Variants in ELP3 observed in about 807,000 individuals in gnomAD.
The protein encoded by ELP3 is elongator complex protein 3.
ELP3 carries 56 observed loss-of-function variants against 74.9 expected under a neutral mutation model. The ratio of observed to expected loss-of-function variants is 0.75; its 90% CI spans 0.60 to 0.93. The LOEUF is 0.93. ELP3 is among the 40% of genes least tolerant of loss of function. ELP3 has a pLI of 0.00. For missense variants in ELP3, 573 were observed against 686.5 expected (o/e 0.83, Z 1.85); for synonymous variants, 222 against 239.8 (o/e 0.93, Z 0.68).
At chr8:28,177,813 G>T (rs1814823241) in intron 14 of ELP3, among the ~76,000 whole-genome samples, 1 of 152,140 alleles carries the variant, frequency 6.6e-6, no homozygotes, top group Admixed American at 6.5e-5. Context: ...TTTTCTTAAG[G>T]AATTCCAAGA....
intron 2 of ELP3, among the ~76,000 whole-genome samples, chr8:28,098,466 T>C (rs1811345138): frequency 6.6e-6 from 1 of 152,258 alleles, no homozygotes; most frequent in Non-Finnish European, 1.5e-5. Flanking sequence ...ACCGTGTCTT[T>C]AGAAGTTTTT....
chr8:28,156,101 T>A (rs930685362), intron 11 of ELP3, 69 bp downstream of exon 11: 3 of 1,285,678 alleles, frequency 2.3e-6, no homozygotes, highest in Non-Finnish European at 3.3e-6. Flanking sequence ...CGAAAGACTT[T>A]GCCACTACCA....
chr8:28,158,527 T>G, intron 11 of ELP3, 41 bp from the exon 12 acceptor site: 16 of 1,213,154 alleles, frequency 1.3e-5, no homozygotes, highest in Non-Finnish European at 2.0e-5. Flanking sequence ...TTTGTACCCC[T>G]CCCACCCCCC....
chr8:28,149,649 C>T (rs10092376), intron 10 of ELP3, among the ~76,000 whole-genome samples: 90,940 of 151,998 alleles, frequency 0.6, 28,600 homozygotes, highest in East Asian at 0.92. Flanking sequence ...TTTGTTTCTC[C>T]GTTGATTTCC....
Position 28,129,498 on chromosome 8 carries a change from A to T in ELP3, c.618-4A>T. The T allele has an allele frequency of 6.2e-7, 1 of 1,614,104 alleles. No homozygotes were observed. Among genetic ancestry groups the T allele is most frequent in the Non-Finnish European group, 8.5e-7 (1 of 1,179,942 alleles). On this transcript the variant is annotated splice_polypyrimidine_tract_variant and splice_region_variant and intron_variant, in intron 7 of 14. Coordinates refer to ENST00000256398, the MANE Select transcript of ELP3 (RefSeq NM_018091.6). ...AGGTTAATTATTTTAGATTTGCTCTACAGGTATTCTGAGAGAAGCCTCACA... is the reference window on the plus strand; with the variant it reads ...AGGTTAATTATTTTAGATTTGCTCTTCAGGTATTCTGAGAGAAGCCTCACA...
At chr8:28,189,161 G>T (rs1268129140) in intron 14 of ELP3, among the ~76,000 whole-genome samples, 1 of 152,236 alleles carries the variant, frequency 6.6e-6, no homozygotes, top group African/African-American at 2.4e-5. Flanking sequence ...AGCCACAAGT[G>T]TACCTTCGCT....
chr8:28,170,896 T>C (rs1469815269), intron 14 of ELP3, among the ~76,000 whole-genome samples: 1 of 152,106 alleles, frequency 6.6e-6, no homozygotes, highest in Non-Finnish European at 1.5e-5. Context: ...CCCCGCACAG[T>C]CCTCTAATCT....
chr8:28,161,021 A>G (rs1215230697), intron 13 of ELP3, among the ~76,000 whole-genome samples: 1 of 152,128 alleles, frequency 6.6e-6, no homozygotes, highest in African/African-American at 2.4e-5. Flanking sequence ...GAAAGTAAGA[A>G]ATCGTCTAAT....
intron 2 of ELP3, among the ~76,000 whole-genome samples, chr8:28,099,434 A>G (rs1811384838): frequency 6.6e-6 from 1 of 152,198 alleles, no homozygotes; most frequent in African/African-American, 2.4e-5. Context: ...GATGCTGCTA[A>G]ACATCCCTCA....
At chr8:28,184,549 A>C (rs763194921) in intron 14 of ELP3, among the ~76,000 whole-genome samples, 1 of 152,164 alleles carries the variant, frequency 6.6e-6, no homozygotes, top group Non-Finnish European at 1.5e-5. Flanking sequence ...TTTAACCAGC[A>C]TGCTTAAGAA....
intron 5 of ELP3, among the ~76,000 whole-genome samples, chr8:28,109,643 T>C (rs1811835301): frequency 6.6e-6 from 1 of 152,210 alleles, no homozygotes; most frequent in South Asian, 2.1e-4. Flanking sequence ...AATCTGAACA[T>C]GAGATTCATT....
chr8:28,135,958 TCC>T (rs1812971081), intron 9 of ELP3, among the ~76,000 whole-genome samples: 1 of 151,232 alleles, frequency 6.6e-6, no homozygotes, highest in African/African-American at 2.4e-5. Flanking sequence ...TCTTTCCTGT[TCC>T]TTTTTTTTTT....
At chr8:28,161,426 T>C (rs1365675312) in intron 13 of ELP3, among the ~76,000 whole-genome samples, 1 of 151,786 alleles carries the variant, frequency 6.6e-6, no homozygotes, top group Non-Finnish European at 1.5e-5. Flanking sequence ...GTACAAAAAT[T>C]AGCTGGGCGT....
chr8:28,114,172 G>C (rs1438891126), intron 7 of ELP3, among the ~76,000 whole-genome samples: 1 of 151,468 alleles, frequency 6.6e-6, no homozygotes, highest in Non-Finnish European at 1.5e-5. Context: ...TTAGATACTG[G>C]AAAGTGGTGA....
chr8:28,118,190 G>A (rs553987161), intron 7 of ELP3, among the ~76,000 whole-genome samples: 1 of 152,292 alleles, frequency 6.6e-6, no homozygotes, highest in Non-Finnish European at 1.5e-5. Flanking sequence ...TAAAAATGAT[G>A]TATTGTGACC....
intron 14 of ELP3, among the ~76,000 whole-genome samples, chr8:28,173,220 G>C (rs1039741756): frequency 6.6e-6 from 1 of 151,950 alleles, no homozygotes; most frequent in African/African-American, 2.4e-5. Flanking sequence ...TTCTTCAATT[G>C]TTTGGTAGAA....
chr8:28,172,123 G>A (rs191481908), intron 14 of ELP3, among the ~76,000 whole-genome samples: 10 of 152,030 alleles, frequency 6.6e-5, no homozygotes, highest in Admixed American at 2.6e-4. Flanking sequence ...ATTGTTTTTG[G>A]CGATCCCGGG....
At chr8:28,145,445 A>T (rs1044201591) in intron 10 of ELP3, among the ~76,000 whole-genome samples, 1 of 152,166 alleles carries the variant, frequency 6.6e-6, no homozygotes, top group Non-Finnish European at 1.5e-5. Context: ...ATTATAGTTT[A>T]TTTATTTTTG....
intron 10 of ELP3, among the ~76,000 whole-genome samples, chr8:28,152,216 C>T (rs1391178323): frequency 1.3e-5 from 2 of 152,154 alleles, no homozygotes; most frequent in Non-Finnish European, 2.9e-5. Flanking sequence ...GAGTGTTGAC[C>T]TTCTATTTGT....
Sources: gnomAD v4.1 joint callset for allele counts (sites outside exome capture counted in the v4.1 genomes callset) on GRCh38, gnomAD v4.1.1 for gene constraint, MANE v1.5 for transcripts, NCBI Gene and HGNC (gene_info 2026-07-23, HGNC 2026-07-21) for gene names.